The following PTPRB variants were observed in gnomAD, a reference collection of about 807,000 sequenced individuals.
The protein encoded by PTPRB is protein tyrosine phosphatase receptor type B, also known as receptor-type tyrosine-protein phosphatase beta.
A neutral mutation model predicts 238.1 loss-of-function variants in PTPRB; 97 were observed. The ratio of observed to expected loss-of-function variants is 0.41; its 90% CI spans 0.35 to 0.48. The LOEUF is 0.48. PTPRB is among the 20% of genes least tolerant of loss of function. PTPRB has a pLI of 0.30. For missense variants in PTPRB, 2,292 were observed against 2,681.9 expected (o/e 0.85, Z 3.21); for synonymous variants, 970 against 995.4 (o/e 0.97, Z 0.48).
At chr12:70,586,908 G>C in intron 9 of PTPRB, 99 bp downstream of exon 9, 8 of 1,186,186 alleles carry the variant, frequency 6.7e-6, no homozygotes, top group South Asian at 2.9e-5. Context: ...GCAATGCCCA[G>C]TACATAATAG....
chr12:70,606,062 T>C (rs1217734228), intron 4 of PTPRB, among the ~76,000 whole-genome samples: 1 of 152,194 alleles, frequency 6.6e-6, no homozygotes, highest in Non-Finnish European at 1.5e-5. Context: ...GCCAAATATC[T>C]TGTCCTCTAT....
chr12:70,524,956 T>C (rs762837672), intron 32 of PTPRB, among the ~76,000 whole-genome samples: 5 of 146,840 alleles, frequency 3.4e-5, no homozygotes, highest in Non-Finnish European at 7.4e-5. Context: ...TATGTGTATA[T>C]ATGTATGTGT....
rs183789768 is a variant in PTPRB, at chr12:70,541,080, C to T, written c.5495-123G>A. ...TATTACAAATAGAATTCAAGTGATG[C>T]CCACGATGAGGCATTTACTTTCCAA... On this transcript the variant is annotated intron_variant, in intron 22 of 33. Coordinates refer to ENST00000334414, the MANE Select transcript of PTPRB (RefSeq NM_001109754.4). 2.6e-4 allele frequency: 205 copies of T among 783,974 alleles called. No individual in the cohort carries two copies. In the African/African-American group the frequency reaches 3.1e-3, roughly 12 times the overall value. The allele number at this position is 783,974 out of a possible 1,614,324, so 48.6% of individuals were successfully genotyped here.
At chr12:70,539,163 C>T in intron 26 of PTPRB, 149 bp from the exon 27 acceptor site, 3 of 664,918 alleles carry the variant, frequency 4.5e-6, no homozygotes, top group Non-Finnish European at 7.9e-6. Flanking sequence ...TAGCCCTGAT[C>T]CCCACAACAG....
At chr12:70,609,638 G>A in intron 3 of PTPRB, 1 of 1,059,688 alleles carries the variant, frequency 9.4e-7, no homozygotes, top group Non-Finnish European at 1.4e-6. Context: ...TCCCAAGGCA[G>A]AAGAAGAAAT....
rs1877613360 is a variant in PTPRB, at chr12:70,555,997, C to T, written c.4866G>A (p.Glu1622=). The T allele has an allele frequency of 8.7e-6, 14 of 1,613,950 alleles. No homozygotes were observed. The highest frequency in any genetic ancestry group is 1.1e-5 in the Non-Finnish European group (13 of 1,179,884). ...TGATGTTGAGCAGAGATTTTTCTTT[C>T]TCCAGCTTTCTGGAAAACTCAACTT... ...TQEVEFSRKL[E]KEKSLLNIMM... The change falls in exon 19 of 34, where the codon GAG becomes GAA. Residue 1622 remains glutamate (E), a synonymous_variant. Coordinates refer to ENST00000334414, the MANE Select transcript of PTPRB (RefSeq NM_001109754.4).
intron 11 of PTPRB, among the ~76,000 whole-genome samples, chr12:70,573,784 G>T (rs1193768360): frequency 6.6e-6 from 1 of 151,862 alleles, no homozygotes; most frequent in African/African-American, 2.4e-5. Context: ...GGGATGCATG[G>T]TTTCTTGAAC....
Position 70,571,264 on chromosome 12 carries a change from T to C in PTPRB, c.3132A>G (p.Thr1044=), listed in dbSNP as rs192818215. The change falls in exon 13 of 34, where the codon ACA becomes ACG. Residue 1044 remains threonine (T), a synonymous_variant. Transcript: ENST00000334414. ...RTIPEPVKDL[T]LRNRSTEDLH... ...AGTCCTCAGTGCTCCTGTTGCGCAA[T>C]GTTAGATCCTTAACAGGCTCTGGAA... The C allele has an allele frequency of 1.1e-4, 175 of 1,605,550 alleles. No individual in the cohort carries two copies. Among genetic ancestry groups the C allele is most frequent in the Admixed American group, 2.8e-4 (17 of 60,004 alleles).
chr12:70,599,743 A>G (rs11178318), intron 4 of PTPRB, among the ~76,000 whole-genome samples: 35,975 of 152,104 alleles, frequency 0.24, 4,437 homozygotes, highest in African/African-American at 0.3. Flanking sequence ...TTTTCTCAAA[A>G]GAAAAGACAA....
chr12:70,580,856 C>A (rs2584011), intron 10 of PTPRB, among the ~76,000 whole-genome samples, 180 bp downstream of exon 10: 39,651 of 151,780 alleles, frequency 0.26, 5,730 homozygotes, highest in African/African-American at 0.39. Context: ...TTCTCTCTTG[C>A]CATCACCCAT....
intron 2 of PTPRB, among the ~76,000 whole-genome samples, chr12:70,622,979 G>T (rs1457736496): frequency 1.3e-5 from 2 of 152,036 alleles, no homozygotes; most frequent in East Asian, 3.9e-4. Flanking sequence ...GGCTTCAGGG[G>T]AATCCATGAG....
rs1484653248 is a variant in PTPRB, at chr12:70,536,030, C to T, written c.6076G>A (p.Gly2026Ser). ...CAGGAAGGCTGTTTACTCACTCGGC[C>T]CTTCTCAACACACTGGGTCACCATG... ...IVMVTQCVEK[G>S]RVKCDHYWPA... Residue 2026 changes from glycine to serine, a missense_variant, in exon 29 of 34, where the codon GGC (glycine) becomes AGC (serine). Around this residue, in one of 4 missense-constraint regions of PTPRB, gnomAD observed 397 missense variants for 502.0 expected, o/e 0.79. Coordinates refer to ENST00000334414, the MANE Select transcript of PTPRB (RefSeq NM_001109754.4). The T allele has an allele frequency of 6.2e-7, 1 of 1,613,050 alleles. No individual in the cohort carries two copies. The highest frequency in any genetic ancestry group is 1.3e-5 in the African/African-American group (1 of 74,908).
intron 4 of PTPRB, among the ~76,000 whole-genome samples, chr12:70,597,222 C>A (rs1002727854): frequency 2.0e-5 from 3 of 152,044 alleles, no homozygotes; most frequent in Admixed American, 2.0e-4. Context: ...GCATCTGGCC[C>A]CCTATATCCC....
chr12:70,567,681 C>G (rs1484183939), intron 14 of PTPRB, among the ~76,000 whole-genome samples: 3 of 152,296 alleles, frequency 2.0e-5, no homozygotes, highest in East Asian at 3.9e-4. Flanking sequence ...TTACCTCCTA[C>G]TCTTTCAATC....
chr12:70,571,972 G>T lies in PTPRB; in HGVS notation c.2958C>A (p.Asn986Lys). 1 of 1,613,928 alleles carries T rather than the reference G, an allele frequency of 6.2e-7. No individual in the cohort carries two copies. Among genetic ancestry groups the T allele is most frequent in the South Asian group, 1.1e-5 (1 of 91,078 alleles). Reference protein sequence around the residue: ...DFDHYEVTIKNKNNFIQTKSI... With the variant: ...DFDHYEVTIKKKNNFIQTKSI... ...TTTTAGTTTGAATGAAGTTGTTTTT[G>T]TTTTTAATGGTGACTTCATAGTGAT... The change falls in exon 12 of 34, where the codon AAC becomes AAA. Residue 986 changes from asparagine to lysine, a missense_variant. Physicochemically the swap from Asn to Lys is moderately conservative, Grantham distance 94. Coordinates refer to ENST00000334414, the MANE Select transcript of PTPRB (RefSeq NM_001109754.4).
chr12:70,596,303 C>G lies in PTPRB; in HGVS notation c.1004G>C (p.Gly335Ala), dbSNP rs1254687623. ...TGAAGTCGTCTTCTCTTTACTGACT[C>G]CAAACCTAGCAGGAGGTAAAGGATC... Reference protein sequence around the residue: ...QTDPLPPARFGVSKEKTTSTS... With the variant: ...QTDPLPPARFAVSKEKTTSTS... Residue 335 changes from glycine (G) to alanine (A), a missense_variant, in exon 5 of 34, where the codon GGA becomes GCA. Coordinates refer to ENST00000334414, the MANE Select transcript of PTPRB (RefSeq NM_001109754.4). The G allele has an allele frequency of 6.3e-7, 1 of 1,586,044 alleles. No homozygotes were observed. The highest frequency in any genetic ancestry group is 8.6e-7 in the Non-Finnish European group (1 of 1,165,186).
intron 10 of PTPRB, among the ~76,000 whole-genome samples, chr12:70,579,425 GCAGTGGCTCA>G (rs560893980): frequency 5.0e-4 from 76 of 152,258 alleles, no homozygotes; most frequent in African/African-American, 1.6e-3. Context: ...CAGGCCGGGC[GCAGTGGCTCA>G]CACCTGTGAT....
chr12:70,613,319 G>T (rs1174452142), intron 3 of PTPRB, among the ~76,000 whole-genome samples: 5 of 151,944 alleles, frequency 3.3e-5, no homozygotes, highest in Admixed American at 1.3e-4. Flanking sequence ...ACTTGCTTGG[G>T]TCTGATAATT....
intron 7 of PTPRB, 97 bp downstream of exon 7, chr12:70,592,185 G>C: frequency 6.5e-7 from 1 of 1,532,762 alleles, no homozygotes; most frequent in Non-Finnish European, 8.9e-7. Flanking sequence ...TCTCAGATTG[G>C]GAAAGGAGTT....
Sources: gnomAD v4.1 joint callset for allele counts (sites outside exome capture counted in the v4.1 genomes callset) on GRCh38, gnomAD v4.1.1 for gene constraint, gnomAD v4.1.1 regional missense constraint, MANE v1.5 for transcripts, NCBI Gene and HGNC (gene_info 2026-07-23, HGNC 2026-07-21) for gene names.